Variants in ANKRD11 observed in about 807,000 individuals in gnomAD.
The protein encoded by ANKRD11 is ankyrin repeat domain-containing protein 11.
Under a neutral mutation model 195.7 loss-of-function variants are expected in ANKRD11, and 17 were observed. That is an observed-to-expected ratio of 0.09 (90% CI 0.06 to 0.13). The LOEUF is 0.13. Ranked by LOEUF, ANKRD11 falls within the 10% of genes least tolerant of loss-of-function variation. The pLI is 1.00. For synonymous variants in ANKRD11, 1,953 were observed against 1,528.1 expected (o/e 1.28, Z -6.49); for missense variants, 3,735 against 3,566.1 (o/e 1.05, Z -1.21).
At chr16:89,489,315 A>G (rs1169439378) in intron 1 of ANKRD11, 1 of 152,100 alleles carries the variant, frequency 6.6e-6, no homozygotes, top group Non-Finnish European at 1.5e-5. Flanking sequence ...GGAAATTAAC[A>G]TTTCAGGCAA....
intron 1 of ANKRD11, among the ~76,000 whole-genome samples, chr16:89,429,985 C>CGCT (rs2042906223): frequency 1.7e-5 from 2 of 114,726 alleles, no homozygotes; most frequent in Non-Finnish European, 3.6e-5. Context: ...TCAACTCTCA[C>CGCT]GCTCAGTCGT....
At chr16:89,327,832 G>C (rs2037815774) in intron 2 of ANKRD11, among the ~76,000 whole-genome samples, 1 of 152,152 alleles carries the variant, frequency 6.6e-6, no homozygotes, top group African/African-American at 2.4e-5. Context: ...CTAGGGCCAA[G>C]AGTTGTCAGA....
At position 89,281,710 on chromosome 16, in the gene ANKRD11, A is replaced by G. The variant is rs2034268117; in HGVS notation, c.4832T>C (p.Leu1611Pro). ...CTTGGGGTCTCCGGACCGGTGCCTC[A>G]GCTTCTCCATTTGCTTCATCCTCTC... ...HKERMKQMEK[L>P]RHRSGDPKLK... Residue 1611 changes from leucine to proline, a missense_variant, in exon 9 of 13, where the codon CTG (leucine) becomes CCG (proline). Physicochemically the swap from Leu to Pro is moderately conservative, Grantham distance 98. Transcript: ENST00000301030. The surrounding 1 kb of genome is among the most constrained non-coding windows in gnomAD (Gnocchi z 5.5). 1 of 1,613,672 alleles carries G rather than the reference A, an allele frequency of 6.2e-7. No homozygotes were observed. The highest frequency in any genetic ancestry group is 8.5e-7 in the Non-Finnish European group (1 of 1,179,910).
chr16:89,295,193 G>A (rs1321929022), intron 4 of ANKRD11, among the ~76,000 whole-genome samples: 1 of 152,200 alleles, frequency 6.6e-6, no homozygotes, highest in African/African-American at 2.4e-5. Context: ...TTCCACCCCT[G>A]CCCTGCAGTC....
chr16:89,410,302 G>A (rs899412803), intron 2 of ANKRD11, among the ~76,000 whole-genome samples: 1 of 152,090 alleles, frequency 6.6e-6, no homozygotes, highest in Non-Finnish European at 1.5e-5. Flanking sequence ...TAGTTAGTAA[G>A]CCACCAGGAT....
At chr16:89,277,451 T>A (rs1470895680) in intron 9 of ANKRD11, 2 of 152,290 alleles carry the variant, frequency 1.3e-5, no homozygotes, top group Admixed American at 6.5e-5. Context: ...TTCTAGTGAC[T>A]TTTTTCCCCT....
chr16:89,445,906 T>C (rs930643253), intron 1 of ANKRD11, among the ~76,000 whole-genome samples: 24 of 151,620 alleles, frequency 1.6e-4, no homozygotes, highest in African/African-American at 4.9e-4. Flanking sequence ...GAGGCAGACA[T>C]TGTGGTGAGC....
intron 1 of ANKRD11, among the ~76,000 whole-genome samples, chr16:89,486,354 T>C (rs1226113373): frequency 2.0e-5 from 3 of 150,342 alleles, no homozygotes; most frequent in African/African-American, 7.4e-5. Context: ...GGTGGGAGGA[T>C]CGCTTCAGCT....
chr16:89,411,191 G>A (rs951773886), intron 2 of ANKRD11, among the ~76,000 whole-genome samples: 6 of 152,250 alleles, frequency 3.9e-5, no homozygotes, highest in African/African-American at 1.2e-4. Context: ...CCTCCATGAC[G>A]GTGCCCTCCA....
At chr16:89,351,991 A>G (rs1403552535) in intron 2 of ANKRD11, among the ~76,000 whole-genome samples, 1 of 152,108 alleles carries the variant, frequency 6.6e-6, no homozygotes, top group Admixed American at 6.5e-5. Flanking sequence ...GCTCACTGCA[A>G]TCTCTGCCTC....
intron 2 of ANKRD11, among the ~76,000 whole-genome samples, chr16:89,417,181 G>A (rs1398829938): frequency 6.6e-6 from 1 of 152,116 alleles, no homozygotes; most frequent in African/African-American, 2.4e-5. Context: ...TTTTAAAGTG[G>A]CCTGACTCCA....
chr16:89,381,506 C>G (rs2040654623), intron 2 of ANKRD11, among the ~76,000 whole-genome samples: 1 of 152,042 alleles, frequency 6.6e-6, no homozygotes, highest in African/African-American at 2.4e-5. Flanking sequence ...CAATAAAAAG[C>G]AAAATGAGGG....
chr16:89,453,701 T>A (rs2056295426), intron 1 of ANKRD11, among the ~76,000 whole-genome samples: 1 of 152,300 alleles, frequency 6.6e-6, no homozygotes, highest in East Asian at 1.9e-4. Flanking sequence ...CAGGACAATG[T>A]GATGTGCTGA....
intron 1 of ANKRD11, among the ~76,000 whole-genome samples, chr16:89,488,446 C>CCA (rs899618779): frequency 1.5e-4 from 22 of 151,382 alleles, no homozygotes; most frequent in African/African-American, 5.4e-4. Context: ...ATCCGCCCCC[C>CCA]CCCCTTTTTT....
intron 2 of ANKRD11, among the ~76,000 whole-genome samples, chr16:89,389,147 T>C (rs1011045798): frequency 4.0e-5 from 6 of 151,658 alleles, no homozygotes; most frequent in African/African-American, 1.5e-4. Flanking sequence ...GCCTTCTGAG[T>C]GGCTGGGATG....
chr16:89,274,826 G>T lies in ANKRD11; in HGVS notation c.7701C>A (p.Pro2567=), dbSNP rs1358176391. 1.9e-6 allele frequency: 3 copies of T among 1,611,340 alleles called. No homozygotes were observed. Among genetic ancestry groups the T allele is most frequent in the African/African-American group, 2.7e-5 (2 of 75,012 alleles). ...MLLDSEVYNM[P]LESQGDENKS... ...AGACGGGCCCTACCTGGCTCTCCAG[G>T]GGCATGTTGTAGACCTCGGAGTCCA... The change falls in exon 11 of 13, where the codon CCC becomes CCA. Residue 2567 remains proline (P), a synonymous_variant. Transcript: ENST00000301030.
intron 2 of ANKRD11, among the ~76,000 whole-genome samples, chr16:89,371,874 T>A (rs544098417): frequency 8.5e-5 from 13 of 152,202 alleles, no homozygotes; most frequent in African/African-American, 3.1e-4. Flanking sequence ...GAGGTAGACC[T>A]GGTGACCGTG....
At chr16:89,326,776 C>A (rs2037747607) in intron 2 of ANKRD11, among the ~76,000 whole-genome samples, 1 of 152,156 alleles carries the variant, frequency 6.6e-6, no homozygotes, top group Admixed American at 6.5e-5. Flanking sequence ...AAAAACACAA[C>A]CGGGGCATGA....
Position 89,279,938 on chromosome 16 carries a change from C to T in ANKRD11, c.6604G>A (p.Glu2202Lys). ...PDQASTRLPAELEPEPSGEPK... is the reference protein window; with the variant it reads ...PDQASTRLPAKLEPEPSGEPK... ...TCCCCTGAGGGCTCAGGCTCGAGCT[C>T]TGCAGGGAGCCGGGTGGAGGCCTGG... Residue 2202 changes from glutamate to lysine, a missense_variant, in exon 9 of 13, where the codon GAG becomes AAG. Physicochemically the swap from Glu to Lys is moderately conservative, Grantham distance 56 (BLOSUM62 1). Coordinates refer to ENST00000301030, the MANE Select transcript of ANKRD11 (RefSeq NM_013275.6). The surrounding 1 kb of genome is among the most constrained non-coding windows in gnomAD (Gnocchi z 5.6). 6.2e-7 allele frequency: 1 copy of T among 1,610,180 alleles called. No homozygotes were observed. The highest frequency in any genetic ancestry group is 8.5e-7 in the Non-Finnish European group (1 of 1,179,818).
Sources: allele counts gnomAD v4.1 joint callset (sites outside exome capture counted in the v4.1 genomes callset), GRCh38; gene constraint gnomAD v4.1.1; non-coding constraint Gnocchi (gnomAD v3.1); transcripts MANE v1.5; gene names NCBI Gene and HGNC (gene_info 2026-07-23, HGNC 2026-07-21).